CPQ: variants seen among roughly 807,000 people sequenced by gnomAD.
The protein encoded by CPQ is carboxypeptidase Q.
Under a neutral mutation model 45.7 loss-of-function variants are expected in CPQ, and 37 were observed. The ratio of observed to expected loss-of-function variants is 0.81; its 90% CI spans 0.62 to 1.07. The LOEUF (loss-of-function observed/expected upper bound fraction) is 1.07, where lower values mean the gene tolerates loss of function less well. Among genes scored for constraint, CPQ ranks in the 50% least tolerant of loss-of-function variants. The pLI is 0.00. For missense variants in CPQ, 537 were observed against 572.9 expected (o/e 0.94, Z 0.64); for synonymous variants, 186 against 205.8 (o/e 0.90, Z 0.82).
intron 1 of CPQ, among the ~76,000 whole-genome samples, chr8:96,743,480 A>G (rs984178410): frequency 6.6e-6 from 1 of 152,154 alleles, no homozygotes; most frequent in Non-Finnish European, 1.5e-5. Flanking sequence ...TCAGCTCGTC[A>G]AAGTCATTCT....
chr8:96,862,678 C>T (rs1811941660), intron 3 of CPQ, among the ~76,000 whole-genome samples: 1 of 152,076 alleles, frequency 6.6e-6, no homozygotes, highest in Admixed American at 6.6e-5. Flanking sequence ...CAGACACCTA[C>T]ATATCTGTTC....
chr8:97,101,913 G>GCTCTCT (rs71512450), intron 7 of CPQ, among the ~76,000 whole-genome samples: 6 of 119,586 alleles, frequency 5.0e-5, no homozygotes, highest in African/African-American at 1.4e-4. Flanking sequence ...TAGATTGGTG[G>GCTCTCT]CTCTCTCTCT....
rs1253936873 is a variant in CPQ, at chr8:96,968,051, G to T, written c.961+2005G>T. On this transcript the variant is annotated intron_variant, in intron 5 of 7. Coordinates refer to ENST00000220763, the MANE Select transcript of CPQ (RefSeq NM_016134.4). ...GTACCATTTTTTTAATATAAGAGAAGATGATAATTTAGTTTACCTCCATCC... is the reference window on the plus strand; with the variant it reads ...GTACCATTTTTTTAATATAAGAGAATATGATAATTTAGTTTACCTCCATCC... 2.0e-5 allele frequency among the ~76,000 whole-genome samples: 3 copies of T among 152,104 alleles called. No homozygotes were observed. In the South Asian group the frequency reaches 6.2e-4, roughly 32 times the overall value.
At chr8:96,684,558 G>A (rs1375507048) in intron 1 of CPQ, among the ~76,000 whole-genome samples, 4 of 152,138 alleles carry the variant, frequency 2.6e-5, no homozygotes, top group Admixed American at 2.0e-4. Context: ...GGGTGGGATC[G>A]GCTTGTCTTT....
In CPQ at chr8:96,805,149, G is replaced by A. The variant is rs188601535; in HGVS notation, c.433+19819G>A. 2.3e-3 allele frequency among the ~76,000 whole-genome samples: 344 copies of A among 152,224 alleles called. 4 individuals are homozygous for A. Among genetic ancestry groups the A allele is most frequent in the African/African-American group, 8.1e-3 (336 of 41,532 alleles). ...ATTTTACTGATCATAAAAGCAATGT[G>A]CTTAGAATGTAATATATGTAGAACT... On this transcript the variant is annotated intron_variant, in intron 2 of 7. Coordinates refer to ENST00000220763, the MANE Select transcript of CPQ (RefSeq NM_016134.4).
chr8:96,700,397 A>G (rs1428314582), intron 1 of CPQ, among the ~76,000 whole-genome samples: 5 of 152,094 alleles, frequency 3.3e-5, no homozygotes, highest in Non-Finnish European at 7.4e-5. Context: ...TTGGGAACTG[A>G]TCAAGTGGCA....
chr8:96,922,847 T>C (rs1477224357), intron 4 of CPQ, among the ~76,000 whole-genome samples: 1 of 152,196 alleles, frequency 6.6e-6, no homozygotes, highest in Non-Finnish European at 1.5e-5. Context: ...CCAGTTTCTT[T>C]AGGATGAGTA....
At chr8:96,781,501 A>T (rs1810684713) in intron 1 of CPQ, among the ~76,000 whole-genome samples, 1 of 152,190 alleles carries the variant, frequency 6.6e-6, no homozygotes, top group Non-Finnish European at 1.5e-5. Flanking sequence ...ATCCATCATG[A>T]TCTAAACATC....
At chr8:97,085,099 A>C (rs1197588445) in intron 7 of CPQ, among the ~76,000 whole-genome samples, 1 of 152,132 alleles carries the variant, frequency 6.6e-6, no homozygotes, top group East Asian at 1.9e-4. Flanking sequence ...TTACAATAAA[A>C]GTCACCATGT....
intron 4 of CPQ, among the ~76,000 whole-genome samples, chr8:96,889,519 T>A (rs1399009140): frequency 6.6e-6 from 1 of 152,124 alleles, no homozygotes; most frequent in East Asian, 1.9e-4. Context: ...TATATGTGTA[T>A]ATGAACAAGA....
At chr8:96,869,837 G>C (rs982092380) in intron 3 of CPQ, among the ~76,000 whole-genome samples, 1 of 152,014 alleles carries the variant, frequency 6.6e-6, no homozygotes, top group Admixed American at 6.6e-5. Context: ...AAGTTAGCCT[G>C]AAGAAAAACT....
chr8:96,926,418 T>C (rs1346580693), intron 4 of CPQ, among the ~76,000 whole-genome samples: 1 of 152,180 alleles, frequency 6.6e-6, no homozygotes, highest in Non-Finnish European at 1.5e-5. Context: ...GAATAATCTA[T>C]TTATTCAATA....
intron 1 of CPQ, among the ~76,000 whole-genome samples, chr8:96,720,644 T>C (rs947602511): frequency 6.6e-6 from 1 of 151,670 alleles, no homozygotes; most frequent in African/African-American, 2.4e-5. Context: ...AGTGTTTCTC[T>C]ATCTTTTTTT....
At chr8:96,754,186 T>G (rs1161465299) in intron 1 of CPQ, among the ~76,000 whole-genome samples, 2 of 152,088 alleles carry the variant, frequency 1.3e-5, no homozygotes, top group Non-Finnish European at 2.9e-5. Flanking sequence ...TTTCTTGAAA[T>G]GCATTCTAAG....
At chr8:96,710,349 G>A (rs1036842565) in intron 1 of CPQ, among the ~76,000 whole-genome samples, 1 of 151,968 alleles carries the variant, frequency 6.6e-6, no homozygotes, top group Non-Finnish European at 1.5e-5. Context: ...ATTTCATTTA[G>A]TTATGTTCTG....
chr8:97,091,933 T>C lies in CPQ; in HGVS notation c.1255+25723T>C, dbSNP rs188546013. 2.6e-5 allele frequency among the ~76,000 whole-genome samples: 4 copies of C among 152,178 alleles called. No individual in the cohort carries two copies. The East Asian group carries it at 7.7e-4, about 29-fold the overall frequency. On this transcript the variant is annotated intron_variant, in intron 7 of 7. Coordinates refer to ENST00000220763, the MANE Select transcript of CPQ (RefSeq NM_016134.4). ...AAATGTCATGCTCATCTGAACCTCATTCTTATCACCCCAGGGAAACTGCAG... is the reference window on the plus strand; with the variant it reads ...AAATGTCATGCTCATCTGAACCTCACTCTTATCACCCCAGGGAAACTGCAG...
intron 7 of CPQ, among the ~76,000 whole-genome samples, chr8:97,073,204 T>C (rs1230183362): frequency 6.6e-6 from 1 of 152,248 alleles, no homozygotes; most frequent in Non-Finnish European, 1.5e-5. Flanking sequence ...ATCTTGCTTA[T>C]TTCTGCCCAA....
chr8:96,839,681 GT>G (rs1210811366), intron 3 of CPQ, among the ~76,000 whole-genome samples: 1 of 152,132 alleles, frequency 6.6e-6, no homozygotes, highest in Non-Finnish European at 1.5e-5. Context: ...AATTCCATGT[GT>G]TTTTTGTCCT....
chr8:96,935,970 C>T (rs1427159333), intron 4 of CPQ, among the ~76,000 whole-genome samples: 1 of 151,930 alleles, frequency 6.6e-6, no homozygotes, highest in Non-Finnish European at 1.5e-5. Flanking sequence ...CCATGTATTG[C>T]TTATCTTTCT....
Sources: gnomAD v4.1 joint callset for allele counts (sites outside exome capture counted in the v4.1 genomes callset) on GRCh38, gnomAD v4.1.1 for gene constraint, MANE v1.5 for transcripts, NCBI Gene and HGNC (gene_info 2026-07-23, HGNC 2026-07-21) for gene names.